TBC1D1: variants seen among roughly 807,000 people sequenced by gnomAD.
The protein encoded by TBC1D1 is TBC1 (tre-2/USP6, BUB2, cdc16) domain family, member 1.
In TBC1D1, 89 loss-of-function variants were observed where a neutral mutation model predicts 125.6. That is an observed-to-expected ratio of 0.71 (90% CI 0.60 to 0.85). The LOEUF is 0.85. TBC1D1 is among the 40% of genes least tolerant of loss of function. The probability of loss-of-function intolerance (pLI) is 0.00; values close to 1 mark genes in which losing one functional copy is unlikely to be tolerated. For synonymous variants in TBC1D1, 565 were observed against 564.1 expected, an observed-to-expected ratio of 1.00 and a Z score of -0.02; for missense variants, 1,377 against 1,469.2, an observed-to-expected ratio of 0.94 and a Z score of 1.03.
chr4:37,898,652 A>G (rs1329078077), intron 1 of TBC1D1, among the ~76,000 whole-genome samples: 1 of 152,104 alleles, frequency 6.6e-6, no homozygotes, highest in Non-Finnish European at 1.5e-5. Context: ...GGGTCAGGGA[A>G]CCAAGAGAAA....
At chr4:38,103,995 T>C (rs974632192) in intron 15 of TBC1D1, among the ~76,000 whole-genome samples, 2 of 151,398 alleles carry the variant, frequency 1.3e-5, no homozygotes, top group Admixed American at 6.6e-5. Flanking sequence ...CTGTCTCTAC[T>C]AAAAATACAA....
intron 15 of TBC1D1, among the ~76,000 whole-genome samples, chr4:38,108,894 T>C (rs547025885): frequency 8.5e-5 from 13 of 152,282 alleles, no homozygotes; most frequent in African/African-American, 1.2e-4. Flanking sequence ...GCTGAGAGTA[T>C]TGAAGATGAC....
intron 8 of TBC1D1, among the ~76,000 whole-genome samples, chr4:38,040,669 T>C (rs1247297167): frequency 1.3e-5 from 2 of 152,242 alleles, no homozygotes; most frequent in African/African-American, 2.4e-5. Flanking sequence ...CAATTCTGCA[T>C]TTTCTTAACA....
At chr4:38,076,747 T>C (rs1278149842) in intron 12 of TBC1D1, among the ~76,000 whole-genome samples, 1 of 152,108 alleles carries the variant, frequency 6.6e-6, no homozygotes, top group Non-Finnish European at 1.5e-5. Context: ...TAGATAGATA[T>C]ATTAGTGTTT....
chr4:38,039,184 C>T (rs1279462517), intron 8 of TBC1D1, among the ~76,000 whole-genome samples: 1 of 119,842 alleles, frequency 8.3e-6, no homozygotes, highest in East Asian at 3.0e-4. Context: ...GTGGCGCTAT[C>T]TTGGCTCACT....
intron 6 of TBC1D1, 45 bp from the exon 7 acceptor site, chr4:38,027,743 C>A: frequency 7.1e-7 from 1 of 1,411,844 alleles, no homozygotes; most frequent in Non-Finnish European, 9.9e-7. Flanking sequence ...TATCTCACAA[C>A]TTTTATATAG....
chr4:37,942,377 T>G (rs1306144149), intron 2 of TBC1D1, among the ~76,000 whole-genome samples: 2 of 152,144 alleles, frequency 1.3e-5, no homozygotes, highest in African/African-American at 2.4e-5. Context: ...CATTTGCTTG[T>G]TAGATCTTCC....
chr4:38,014,369 G>A lies in TBC1D1; in HGVS notation c.418-140G>A, dbSNP rs1742159139. The A allele has an allele frequency of 1.4e-6, 1 of 726,028 alleles. No individual in the cohort carries two copies. The highest frequency in any genetic ancestry group is 2.3e-6 in the Non-Finnish European group (1 of 437,728). The allele number at this position is 726,028 out of a possible 1,614,324, so 45.0% of individuals were successfully genotyped here. ...AGACATTCCTAGTCCCCTCCCGTGG[G>A]CTCCTCCTCCAGTGGGCTCCTCCTC... is the stretch of plus-strand genomic sequence containing the variant. On this transcript the variant is annotated intron_variant, in intron 2 of 19. Coordinates refer to ENST00000261439, the MANE Select transcript of TBC1D1 (RefSeq NM_015173.4). This position sits in a 1 kb window ranked among gnomAD's most constrained non-coding sequence, Gnocchi z 5.1.
chr4:38,048,190 A>G (rs1749841128), intron 10 of TBC1D1, among the ~76,000 whole-genome samples: 2 of 152,196 alleles, frequency 1.3e-5, no homozygotes. Flanking sequence ...GATCCCTTCT[A>G]AAAAATTGAT....
chr4:38,122,367 A>G (rs1763992230), intron 17 of TBC1D1, among the ~76,000 whole-genome samples: 2 of 152,210 alleles, frequency 1.3e-5, no homozygotes, highest in Admixed American at 1.3e-4. Context: ...GCCCCTGGTG[A>G]TCTGGACCTG....
At chr4:38,133,035 TG>T in intron 18 of TBC1D1, 48 bp from the exon 21 acceptor site, 3 of 1,558,498 alleles carry the variant, frequency 1.9e-6, no homozygotes, top group Non-Finnish European at 2.6e-6. Flanking sequence ...CCTGTACTTG[TG>T]GGGTTTTTCT....
chr4:37,921,414 AT>A (rs149265712), intron 2 of TBC1D1, among the ~76,000 whole-genome samples: 54,372 of 146,956 alleles, frequency 0.37, 10,441 homozygotes, highest in East Asian at 0.65. Context: ...CATATATATA[AT>A]TTTTTTTTTT....
intron 12 of TBC1D1, among the ~76,000 whole-genome samples, chr4:38,083,073 C>T (rs1335271535): frequency 6.6e-6 from 1 of 152,176 alleles, no homozygotes; most frequent in Non-Finnish European, 1.5e-5. Flanking sequence ...GAGTTAGGTG[C>T]TCTGTTCTGT....
At chr4:38,036,479 G>A (rs578215693) in intron 8 of TBC1D1, among the ~76,000 whole-genome samples, 1 of 152,338 alleles carries the variant, frequency 6.6e-6, no homozygotes, top group African/African-American at 2.4e-5. Flanking sequence ...AGTGAAGGAT[G>A]TACAAGTTTC....
At chr4:37,961,032 CATAG>C in intron 2 of TBC1D1, 1 of 1,613,022 alleles carries the variant, frequency 6.2e-7, no homozygotes, top group Non-Finnish European at 8.5e-7. Context: ...TTTGCTATGA[CATAG>C]ATATTTAAAT....
rs1716211271 is a variant in TBC1D1 at position 37,902,214 on chromosome 4, T to G, written c.119T>G (p.Leu40Arg). ...CATTCCCTGACCACCATGCCCATGCTGCCCTGGGTTGTGGCTGAGGTGCGA... is the reference window on the plus strand; with the variant it reads ...CATTCCCTGACCACCATGCCCATGCGGCCCTGGGTTGTGGCTGAGGTGCGA... Residue 40 changes from leucine (L) to arginine (R), a missense_variant, in exon 2 of 20, where the codon CTG becomes CGG. This residue lies in a region of TBC1D1 where 822 missense variants were observed against 824.6 expected (regional missense o/e 1.00). Coordinates refer to ENST00000261439, the MANE Select transcript of TBC1D1 (RefSeq NM_015173.4). 1.9e-6 allele frequency: 3 copies of G among 1,614,112 alleles called. No homozygotes were observed. In the Admixed American group the frequency reaches 5.0e-5, roughly 27 times the overall value.
At chr4:37,993,990 T>G (rs1217918718) in intron 2 of TBC1D1, among the ~76,000 whole-genome samples, 1 of 152,218 alleles carries the variant, frequency 6.6e-6, no homozygotes, top group Admixed American at 6.5e-5. Context: ...ATTCCCTGAT[T>G]GTAAAATATC....
intron 16 of TBC1D1, 45 bp downstream of exon 18, chr4:38,115,999 A>G (rs1762927499): frequency 6.3e-7 from 1 of 1,598,890 alleles, no homozygotes; most frequent in Admixed American, 1.7e-5. Context: ...AATGCTAAGA[A>G]TGTTTCTTAT....
intron 18 of TBC1D1, 199 bp from the exon 21 acceptor site, chr4:38,132,885 C>T (rs2152637865): frequency 7.7e-6 from 2 of 260,320 alleles, no homozygotes; most frequent in East Asian, 1.3e-4. Flanking sequence ...CTAGATGTTT[C>T]TTATATCCTT....
Sources: allele counts gnomAD v4.1 joint callset (sites outside exome capture counted in the v4.1 genomes callset), GRCh38; gene constraint gnomAD v4.1.1; regional missense constraint gnomAD v4.1.1; non-coding constraint Gnocchi (gnomAD v3.1); transcripts MANE v1.5; gene names NCBI Gene and HGNC (gene_info 2026-07-23, HGNC 2026-07-21).